TBC1D22A: variants seen among roughly 807,000 people sequenced by gnomAD.
TBC1D22A encodes putative GTPase activator.
TBC1D22A carries 38 observed loss-of-function variants against 60.2 expected under a neutral mutation model. The ratio of observed to expected loss-of-function variants is 0.63; its 90% CI spans 0.49 to 0.83. The LOEUF (loss-of-function observed/expected upper bound fraction) is 0.83, where lower values mean the gene tolerates loss of function less well. Ranked by LOEUF, TBC1D22A falls within the 40% of genes least tolerant of loss-of-function variation. TBC1D22A has a pLI of 0.00. For missense variants in TBC1D22A, 628 were observed against 701.0 expected (o/e 0.90, Z 1.18); for synonymous variants, 302 against 281.7 (o/e 1.07, Z -0.72).
intron 5 of TBC1D22A, among the ~76,000 whole-genome samples, chr22:46,884,062 C>T (rs1450191837): frequency 6.6e-6 from 1 of 152,174 alleles, no homozygotes; most frequent in Non-Finnish European, 1.5e-5. Context: ...GTGGGGCAAA[C>T]AGCGTTCCAA....
chr22:47,149,014 A>G (rs1321572287), intron 12 of TBC1D22A, among the ~76,000 whole-genome samples: 1 of 151,924 alleles, frequency 6.6e-6, no homozygotes, highest in African/African-American at 2.4e-5. Flanking sequence ...CATGCAGGTT[A>G]TGGGTGTGAG....
intron 11 of TBC1D22A, among the ~76,000 whole-genome samples, chr22:47,091,046 GGGGGA>G (rs2064931417): frequency 1.7e-5 from 2 of 114,972 alleles, no homozygotes. Context: ...GTCGTCTTTG[GGGGGA>G]GTGGCCTCGC....
chr22:46,765,658 G>A (rs1230738315), intron 1 of TBC1D22A, among the ~76,000 whole-genome samples: 7 of 151,924 alleles, frequency 4.6e-5, no homozygotes, highest in Non-Finnish European at 1.0e-4. Context: ...GTAGAGATGG[G>A]GTTTCGCCAT....
chr22:47,152,561 G>C (rs560591759), intron 12 of TBC1D22A, among the ~76,000 whole-genome samples: 3 of 152,234 alleles, frequency 2.0e-5, no homozygotes, highest in African/African-American at 7.2e-5. Flanking sequence ...TGGTCCTGAC[G>C]AGGCTGTCGC....
At chr22:46,849,684 A>G (rs554974418) in intron 4 of TBC1D22A, among the ~76,000 whole-genome samples, 3 of 152,184 alleles carry the variant, frequency 2.0e-5, no homozygotes, top group African/African-American at 7.2e-5. Context: ...TCTCTGATGG[A>G]GTGATCTTGG....
rs990778190 is a variant in TBC1D22A at position 46,777,983 on chromosome 22, T to A, written c.63-14537T>A. Among the ~76,000 whole-genome samples the A allele has an allele frequency of 7.2e-5, 11 of 152,364 alleles. No homozygotes were observed. The highest frequency in any genetic ancestry group is 2.6e-4 in the African/African-American group (11 of 41,584). On this transcript the variant is annotated intron_variant, in intron 1 of 12. Transcript: ENST00000337137. This position sits in a 1 kb window ranked among gnomAD's most constrained non-coding sequence, Gnocchi z 4.5. The stretch of plus-strand genomic sequence containing the variant: ...GCTATGTGCCTGTACAGCATGGTAC[T>A]GTTCTGAATACTGCAGGCAGTTGTC...
intron 11 of TBC1D22A, among the ~76,000 whole-genome samples, chr22:47,064,637 C>T (rs1026480571): frequency 5.9e-5 from 9 of 152,210 alleles, no homozygotes; most frequent in African/African-American, 2.2e-4. Flanking sequence ...CAGGGCCTGG[C>T]AGGGCTCTGT....
chr22:47,056,468 C>A (rs560346459), intron 11 of TBC1D22A, among the ~76,000 whole-genome samples: 2 of 152,246 alleles, frequency 1.3e-5, no homozygotes, highest in Admixed American at 6.5e-5. Context: ...GGCCACCCCC[C>A]TTCCTGATGC....
intron 12 of TBC1D22A, among the ~76,000 whole-genome samples, chr22:47,134,473 C>G (rs1253429867): frequency 6.6e-6 from 1 of 152,254 alleles, no homozygotes; most frequent in Admixed American, 6.5e-5. Flanking sequence ...CTGGCCAGGA[C>G]AGGCCTCACT....
intron 4 of TBC1D22A, among the ~76,000 whole-genome samples, chr22:46,827,742 T>A (rs2086132101): frequency 6.6e-6 from 1 of 152,118 alleles, no homozygotes; most frequent in East Asian, 1.9e-4. Context: ...GACTCCTCTC[T>A]TCTCTGAGAG....
chr22:47,107,663 C>T (rs1353483245), intron 11 of TBC1D22A, among the ~76,000 whole-genome samples: 1 of 152,140 alleles, frequency 6.6e-6, no homozygotes, highest in African/African-American at 2.4e-5. Context: ...GTCAGAAATC[C>T]CAGCAAGCTT....
Position 47,048,671 on chromosome 22 carries a change from C to T in TBC1D22A, c.1329+11473C>T, listed in dbSNP as rs117626433. 4.3e-3 allele frequency among the ~76,000 whole-genome samples: 656 copies of T among 152,340 alleles called. 4 individuals carry two copies. The highest frequency in any genetic ancestry group is 8.1e-3 in the Admixed American group (124 of 15,300). On this transcript the variant is annotated intron_variant, in intron 11 of 12. Transcript: ENST00000337137. The stretch of plus-strand genomic sequence containing the variant: ...CTCCTTTCCTCTGCCGTCCCCTGTG[C>T]AGGCCCCTCCTGCATTGCTTCTCCT...
chr22:46,790,150 G>A (rs2084344543), intron 1 of TBC1D22A, among the ~76,000 whole-genome samples: 1 of 152,268 alleles, frequency 6.6e-6, no homozygotes, highest in South Asian at 2.1e-4. Flanking sequence ...TGTTGGCGGG[G>A]CTGGTTCCTT....
In TBC1D22A at chr22:46,894,878, C is replaced by T. The variant is rs769161543; in HGVS notation, c.900+32C>T. ...AGCTCTTGCCGTGGGGAGTTCCCCTCGTTGGGAGTGGCTGATGCCCACTGT... is the reference window on the plus strand; with the variant it reads ...AGCTCTTGCCGTGGGGAGTTCCCCTTGTTGGGAGTGGCTGATGCCCACTGT... On this transcript the variant is annotated intron_variant, in intron 7 of 12. Transcript: ENST00000337137. The T allele has an allele frequency of 3.7e-5, 60 of 1,612,770 alleles. 1 individual carries two copies. Among genetic ancestry groups the T allele is most frequent in the African/African-American group, 4.0e-5 (3 of 74,904 alleles).
At chr22:46,836,826 AC>A (rs2147187968) in intron 4 of TBC1D22A, among the ~76,000 whole-genome samples, 1 of 152,282 alleles carries the variant, frequency 6.6e-6, no homozygotes, top group South Asian at 2.1e-4. Flanking sequence ...AGCAGGGGTG[AC>A]TATCTTTATA....
chr22:47,077,549 G>C (rs1317471310), intron 11 of TBC1D22A, among the ~76,000 whole-genome samples: 1 of 152,196 alleles, frequency 6.6e-6, no homozygotes, highest in African/African-American at 2.4e-5. Flanking sequence ...TCAAGTTCCG[G>C]CTCTATGCCC....
At chr22:46,973,334 A>T (rs948344231) in intron 8 of TBC1D22A, among the ~76,000 whole-genome samples, 5 of 152,166 alleles carry the variant, frequency 3.3e-5, no homozygotes, top group Admixed American at 1.3e-4. Context: ...TCCGGGGCTC[A>T]AGGGTGGTGA....
intron 12 of TBC1D22A, among the ~76,000 whole-genome samples, chr22:47,161,419 G>A (rs995817617): frequency 2.0e-5 from 3 of 152,120 alleles, no homozygotes; most frequent in South Asian, 2.1e-4. Context: ...TGCCAGCATC[G>A]TTATGTTTTT....
chr22:47,010,415 C>T (rs1253409908), intron 10 of TBC1D22A, among the ~76,000 whole-genome samples: 1 of 152,152 alleles, frequency 6.6e-6, no homozygotes, highest in Admixed American at 6.5e-5. Context: ...TCATCTGAGA[C>T]GTAAGGACAT....
Sources: gnomAD v4.1 joint callset for allele counts (sites outside exome capture counted in the v4.1 genomes callset) on GRCh38, gnomAD v4.1.1 for gene constraint, Gnocchi (gnomAD v3.1) non-coding constraint, MANE v1.5 for transcripts, NCBI Gene and HGNC (gene_info 2026-07-23, HGNC 2026-07-21) for gene names.